The following RUBCNL variants were observed in gnomAD, a reference collection of about 807,000 sequenced individuals.
RUBCNL encodes rubicon like autophagy enhancer.
A neutral mutation model predicts 69.5 loss-of-function variants in RUBCNL; 62 were observed. That is an observed-to-expected ratio of 0.89 (90% CI 0.73 to 1.10). The LOEUF (loss-of-function observed/expected upper bound fraction) is 1.10, where lower values mean the gene tolerates loss of function less well. RUBCNL is among the 50% of genes least tolerant of loss of function. The pLI is 0.00. For synonymous variants in RUBCNL, 291 were observed against 303.6 expected (o/e 0.96, Z 0.43); for missense variants, 768 against 798.1 (o/e 0.96, Z 0.45).
At chr13:46,357,073 T>C (rs934018100) in intron 9 of RUBCNL, among the ~76,000 whole-genome samples, 1 of 143,802 alleles carries the variant, frequency 7.0e-6, no homozygotes, top group Non-Finnish European at 1.5e-5. Context: ...CTGGGCACGG[T>C]GGCTCACGCC....
intron 2 of RUBCNL, 80 bp downstream of exon 2, chr13:46,377,810 C>G: frequency 1.3e-6 from 1 of 762,132 alleles, no homozygotes; most frequent in Non-Finnish European, 2.2e-6. Context: ...AGAATAGGCC[C>G]ATAATAGATT....
At chr13:46,384,568 A>T (rs189100424) in intron 1 of RUBCNL, among the ~76,000 whole-genome samples, 5 of 151,094 alleles carry the variant, frequency 3.3e-5, no homozygotes, top group Non-Finnish European at 2.9e-5. Flanking sequence ...GTTACCTGTT[A>T]AAAAAAAACG....
intron 3 of RUBCNL, among the ~76,000 whole-genome samples, chr13:46,369,260 G>A (rs776671634): frequency 6.6e-6 from 1 of 152,116 alleles, no homozygotes; most frequent in Non-Finnish European, 1.5e-5. Context: ...TGTCACCCAG[G>A]CTAGAGTGCA....
Position 46,343,157 on chromosome 13 carries a change from G to A in RUBCNL, c.*228C>T. Reference sequence around the variant, plus strand: ...AAAAAACCTCTTTAAAAAACCAATAGCAGCCAAAACAGAACATTTGTAAAC... The same window carrying A: ...AAAAAACCTCTTTAAAAAACCAATAACAGCCAAAACAGAACATTTGTAAAC... On this transcript the variant is annotated 3_prime_UTR_variant, in exon 15 of 15. Coordinates refer to ENST00000429979, the MANE Select transcript of RUBCNL (RefSeq NM_025113.5). The A allele has an allele frequency of 1.5e-6, 1 of 652,692 alleles. No homozygotes were observed. Among genetic ancestry groups the A allele is most frequent in the Non-Finnish European group, 2.4e-6 (1 of 409,390 alleles). 40.4% of individuals were successfully genotyped at this position (652,692 alleles called of 1,614,324 possible). A position where few individuals can be genotyped will look rare whatever the true frequency, so the allele number is the denominator to read the frequency against.
chr13:46,338,931 C>T lies in RUBCNL; in HGVS notation c.*4454G>A, dbSNP rs113523180. 1.8e-3 allele frequency among the ~76,000 whole-genome samples: 277 copies of T among 152,016 alleles called. 2 individuals are homozygous for T. The highest frequency in any genetic ancestry group is 6.2e-3 in the African/African-American group (258 of 41,438). On this transcript the variant is annotated 3_prime_UTR_variant, in exon 15 of 15. Transcript: ENST00000429979. ...GCATGGTGGCACATGCCTGTGGTCC[C>T]AGCTACTAGGGAAGCTGAGGCAGGA...
chr13:46,376,393 A>G (rs1223621954), intron 2 of RUBCNL, among the ~76,000 whole-genome samples: 1 of 152,154 alleles, frequency 6.6e-6, no homozygotes, highest in Non-Finnish European at 1.5e-5. Flanking sequence ...ATACATATAT[A>G]AACATATACA....
At position 46,339,878 on chromosome 13, in the gene RUBCNL, C is replaced by CA. The variant is rs776957759; in HGVS notation, c.*3506dup. Among the ~76,000 whole-genome samples, 1 of 111,612 alleles carries CA rather than the reference C, an allele frequency of 9.0e-6. No homozygotes were observed. Among genetic ancestry groups the CA allele is most frequent in the South Asian group, 3.3e-4 (1 of 3,014 alleles). The allele number at this position is 111,612 out of a possible 152,430, so 73.2% of individuals were successfully genotyped here. A position where few individuals can be genotyped will look rare whatever the true frequency, so the allele number is the denominator to read the frequency against. On this transcript the variant is annotated 3_prime_UTR_variant, in exon 15 of 15. Coordinates refer to ENST00000429979, the MANE Select transcript of RUBCNL (RefSeq NM_025113.5). Reference sequence around the variant, plus strand: ...CATTTCAAAAAAACAAAAACAAAAACAAAACAAAACAAAAAAACCCCAGGA... The same window carrying CA: ...CATTTCAAAAAAACAAAAACAAAAACAAAAACAAAACAAAAAAACCCCAGGA...
rs111748159 is a variant in RUBCNL, at chr13:46,355,594, G to A, written c.1330+838C>T. Among the ~76,000 whole-genome samples the A allele has an allele frequency of 8.6e-3, 1,303 of 152,244 alleles. 12 individuals are homozygous for A. Among genetic ancestry groups the A allele is most frequent in the African/African-American group, 0.029 (1,207 of 41,564 alleles). On this transcript the variant is annotated intron_variant, in intron 10 of 14. Transcript: ENST00000429979. ...ATTACAGGTGGGAGACACCGTGCCT[G>A]GCCCAGGAAAGCCTAATCTTCTAGG...
intron 12 of RUBCNL, among the ~76,000 whole-genome samples, chr13:46,346,826 A>T (rs1200847767): frequency 6.6e-6 from 1 of 152,244 alleles, no homozygotes; most frequent in Non-Finnish European, 1.5e-5. Flanking sequence ...ACAATAAACA[A>T]TCTTAACTTC....
rs776072530 is a variant in RUBCNL at position 46,343,413 on chromosome 13, A to G, written c.1961T>C (p.Leu654Pro). The change falls in exon 15 of 15, where the codon CTG becomes CCG. Residue 654 changes from leucine (L) to proline (P), a missense_variant. Coordinates refer to ENST00000429979, the MANE Select transcript of RUBCNL (RefSeq NM_025113.5). ...TGTTGCTGCAGAGGCCACACTTTCC[A>G]GAAGTTTTCTCCTCGCTGTGATCCT... ...CARITARRKL[L>P]ESVASAAT 5.0e-6 allele frequency: 8 copies of G among 1,613,816 alleles called. 1 individual carries two copies. In the Middle Eastern group the frequency reaches 1.2e-3, roughly 233 times the overall value.
Position 46,350,574 on chromosome 13 carries a change from A to G in RUBCNL, c.1331-223T>C, listed in dbSNP as rs1566066850. On this transcript the variant is annotated intron_variant, in intron 10 of 14. Transcript: ENST00000429979. Reference sequence around the variant, plus strand: ...CTGCTCTTGTGGAACAGACGTCAGAAAAACAAAACCTTCCCAAAATACTCC... The same window carrying G: ...CTGCTCTTGTGGAACAGACGTCAGAGAAACAAAACCTTCCCAAAATACTCC... 2.1e-5 allele frequency: 9 copies of G among 430,046 alleles called. No individual in the cohort carries two copies. The East Asian group carries it at 3.1e-4, about 15-fold the overall frequency. The allele number at this position is 430,046 out of a possible 1,614,324, so 26.6% of individuals were successfully genotyped here. A position where few individuals can be genotyped will look rare whatever the true frequency, so the allele number is the denominator to read the frequency against.
At position 46,372,097 on chromosome 13, in the gene RUBCNL, A is replaced by C. The variant is rs1304722019; in HGVS notation, c.379T>G (p.Phe127Val). ...TGTACCTCTGTTGAGGACAGAGAGA[A>C]GCTGCTACTCTTTTCACTCGAGCCA... is the stretch of plus-strand genomic sequence containing the variant. ...PHGSSEKSSSFSLSSTEVHMV... is the reference protein window; with the variant it reads ...PHGSSEKSSSVSLSSTEVHMV... The change falls in exon 3 of 15, where the codon TTC becomes GTC. Residue 127 changes from phenylalanine to valine, a missense_variant. By Grantham distance (50) the Phe-to-Val change is conservative (BLOSUM62 -1). Coordinates refer to ENST00000429979, the MANE Select transcript of RUBCNL (RefSeq NM_025113.5). 6.2e-7 allele frequency: 1 copy of C among 1,614,026 alleles called. No individual in the cohort carries two copies. The highest frequency in any genetic ancestry group is 2.2e-5 in the East Asian group (1 of 44,874).
intron 5 of RUBCNL, among the ~76,000 whole-genome samples, chr13:46,365,106 C>T (rs928249338): frequency 2.0e-5 from 3 of 151,860 alleles, no homozygotes; most frequent in African/African-American, 7.3e-5. Context: ...AGTTTGAGAC[C>T]AGCCTGGCCA....
At chr13:46,359,779 C>A (rs2048571487) in intron 8 of RUBCNL, 148 bp from the exon 9 acceptor site, 2 of 694,218 alleles carry the variant, frequency 2.9e-6, no homozygotes, top group South Asian at 4.8e-5. Context: ...ATACCAAGAG[C>A]CCTCCACATC....
chr13:46,381,434 G>A (rs190185341), intron 1 of RUBCNL, among the ~76,000 whole-genome samples: 7 of 152,208 alleles, frequency 4.6e-5, no homozygotes, highest in Non-Finnish European at 7.4e-5. Flanking sequence ...AAGGAGATTC[G>A]TGGTTGCTTA....
chr13:46,375,933 T>C (rs1470334875), intron 2 of RUBCNL, among the ~76,000 whole-genome samples: 1 of 152,210 alleles, frequency 6.6e-6, no homozygotes, highest in Admixed American at 6.5e-5. Flanking sequence ...CTTTTTCCTC[T>C]CTTCAGTCTA....
At chr13:46,357,235 A>G (rs1274021809) in intron 9 of RUBCNL, among the ~76,000 whole-genome samples, 1 of 148,994 alleles carries the variant, frequency 6.7e-6, no homozygotes, top group Non-Finnish European at 1.5e-5. Context: ...TCGGAGGCTG[A>G]GGCAGGAGAA....
chr13:46,387,931 G>T, upstream of RUBCNL: 2 of 866,094 alleles, frequency 2.3e-6, no homozygotes, highest in South Asian at 5.3e-5. Flanking sequence ...GCTCTGGCCG[G>T]GTGCGGTGGT....
In RUBCNL at chr13:46,387,133, C is replaced by T. The variant is rs1394890066; in HGVS notation, c.-239+1G>A. The T allele has an allele frequency of 1.0e-6, 1 of 985,608 alleles. No individual in the cohort carries two copies. The allele number at this position is 985,608 out of a possible 1,614,324, so 61.1% of individuals were successfully genotyped here. On this transcript the variant is annotated splice_donor_variant, in intron 1 of 14. Coordinates refer to ENST00000429979, the MANE Select transcript of RUBCNL (RefSeq NM_025113.5). LOFTEE classifies it low-confidence loss of function (5UTR_SPLICE). ...CTCGCCCCCGGCCCCGCCAGCCTCA[C>T]CCAGCCAAACCCGAGCGGTGGAACG...
Sources: allele counts gnomAD v4.1 joint callset (sites outside exome capture counted in the v4.1 genomes callset), GRCh38; gene constraint gnomAD v4.1.1; transcripts MANE v1.5; gene names NCBI Gene and HGNC (gene_info 2026-07-23, HGNC 2026-07-21).